The following ERC2 variants were observed in gnomAD, a reference collection of about 807,000 sequenced individuals.
ERC2 encodes the protein ERC protein 2.
Under a neutral mutation model 114.8 loss-of-function variants are expected in ERC2, and 42 were observed. The observed-to-expected ratio is 0.37, with a 90% confidence interval of 0.29 to 0.47. The LOEUF (loss-of-function observed/expected upper bound fraction) is 0.47, where lower values mean the gene tolerates loss of function less well. ERC2 is among the 20% of genes least tolerant of loss of function. The pLI is 0.99. For missense variants in ERC2, 939 were observed against 1,150.7 expected (o/e 0.82, Z 2.66); for synonymous variants, 454 against 425.5 (o/e 1.07, Z -0.82).
intron 12 of ERC2, among the ~76,000 whole-genome samples, chr3:55,967,998 C>T (rs989759310): frequency 6.6e-6 from 1 of 152,154 alleles, no homozygotes; most frequent in East Asian, 1.9e-4. Flanking sequence ...GTATAAATTA[C>T]CCAGTCTGTG....
intron 13 of ERC2, among the ~76,000 whole-genome samples, chr3:55,920,279 T>C (rs1447773652): frequency 6.6e-6 from 1 of 152,150 alleles, no homozygotes; most frequent in Non-Finnish European, 1.5e-5. Context: ...TACACTATTT[T>C]CTGTATTTTC....
intron 17 of ERC2, among the ~76,000 whole-genome samples, chr3:55,524,759 C>T (rs1340822504): frequency 6.6e-6 from 1 of 152,184 alleles, no homozygotes; most frequent in Non-Finnish European, 1.5e-5. Flanking sequence ...CATTCTTTCA[C>T]AGCTTGTTTT....
intron 3 of ERC2, among the ~76,000 whole-genome samples, chr3:56,197,095 C>A (rs1292466041): frequency 6.6e-6 from 1 of 152,102 alleles, no homozygotes; most frequent in Non-Finnish European, 1.5e-5. Context: ...TTTGCACATG[C>A]CTGAGATACA....
At chr3:55,680,379 G>T (rs941647590) in intron 17 of ERC2, among the ~76,000 whole-genome samples, 1 of 152,184 alleles carries the variant, frequency 6.6e-6, no homozygotes, top group Non-Finnish European at 1.5e-5. Context: ...AAGGTGCCTC[G>T]ATTTGCTCCT....
chr3:56,045,108 A>G (rs902368956), intron 7 of ERC2, among the ~76,000 whole-genome samples: 2 of 152,204 alleles, frequency 1.3e-5, no homozygotes, highest in African/African-American at 2.4e-5. Flanking sequence ...AATATAATCT[A>G]TAAAATAACC....
chr3:55,695,499 C>T (rs9871057), intron 16 of ERC2, among the ~76,000 whole-genome samples: 7,295 of 152,208 alleles, frequency 0.048, 592 homozygotes, highest in African/African-American at 0.17. Context: ...CAAATCTTCC[C>T]ACCCCCTCAG....
At chr3:55,778,699 G>C (rs78919292) in intron 14 of ERC2, among the ~76,000 whole-genome samples, 1 of 152,090 alleles carries the variant, frequency 6.6e-6, no homozygotes, top group Non-Finnish European at 1.5e-5. Flanking sequence ...CAGCAGAAAG[G>C]TACAAAGGGT....
chr3:55,821,515 T>C (rs58443853), intron 14 of ERC2, among the ~76,000 whole-genome samples: 7,071 of 152,298 alleles, frequency 0.046, 193 homozygotes, highest in African/African-American at 0.075. Context: ...CGTCATTACA[T>C]ATTAACCTGT....
At chr3:55,930,048 G>C (rs2065982139) in intron 13 of ERC2, among the ~76,000 whole-genome samples, 2 of 152,128 alleles carry the variant, frequency 1.3e-5, no homozygotes, top group Non-Finnish European at 1.5e-5. Flanking sequence ...AGACCAGCCT[G>C]GCCAACATGG....
intron 12 of ERC2, among the ~76,000 whole-genome samples, chr3:55,978,672 T>A (rs1169312576): frequency 1.3e-5 from 2 of 152,214 alleles, no homozygotes; most frequent in Non-Finnish European, 2.9e-5. Flanking sequence ...AGGTAAGCTA[T>A]AATATAATTG....
chr3:55,895,028 A>C (rs567039430), intron 13 of ERC2, among the ~76,000 whole-genome samples: 173 of 152,264 alleles, frequency 1.1e-3, no homozygotes, highest in African/African-American at 3.8e-3. Flanking sequence ...AAAACTGCCC[A>C]TTCTTTAAGG....
intron 2 of ERC2, among the ~76,000 whole-genome samples, chr3:56,367,462 A>G (rs2059193101): frequency 6.6e-6 from 1 of 151,350 alleles, no homozygotes; most frequent in South Asian, 2.1e-4. Flanking sequence ...CTCCTTCTGC[A>G]CCTCTCTCAA....
intron 7 of ERC2, among the ~76,000 whole-genome samples, chr3:56,051,401 C>T (rs1224704110): frequency 6.6e-6 from 1 of 152,070 alleles, no homozygotes; most frequent in Non-Finnish European, 1.5e-5. Context: ...TGCCTTCACA[C>T]ATATTTTTTA....
intron 6 of ERC2, among the ~76,000 whole-genome samples, chr3:56,132,179 A>G (rs181971812): frequency 6.6e-6 from 1 of 152,034 alleles, no homozygotes; most frequent in East Asian, 1.9e-4. Context: ...AGCATTCCCA[A>G]CTCCTTGTCA....
intron 15 of ERC2, among the ~76,000 whole-genome samples, chr3:55,715,265 A>G (rs992762480): frequency 1.3e-5 from 2 of 152,144 alleles, no homozygotes; most frequent in Admixed American, 1.3e-4. Flanking sequence ...GTCCTCCCCC[A>G]AGAATCCAGG....
intron 17 of ERC2, among the ~76,000 whole-genome samples, chr3:55,641,530 A>G (rs2060181778): frequency 7.6e-6 from 1 of 130,936 alleles, no homozygotes; most frequent in African/African-American, 2.9e-5. Context: ...AGCCTGGGTG[A>G]CAGAGCAAGA....
chr3:56,052,307 T>C (rs1408966596), intron 7 of ERC2, among the ~76,000 whole-genome samples: 1 of 152,216 alleles, frequency 6.6e-6, no homozygotes, highest in Non-Finnish European at 1.5e-5. Context: ...CTGTTCTCAA[T>C]CCACTTTAGG....
chr3:56,050,791 A>T (rs1328303918), intron 7 of ERC2, among the ~76,000 whole-genome samples: 1 of 152,196 alleles, frequency 6.6e-6, no homozygotes, highest in Admixed American at 6.5e-5. Context: ...CCAAAGCTCC[A>T]TGGGGGCAAG....
At chr3:56,015,711 G>C (rs2073258718) in intron 8 of ERC2, among the ~76,000 whole-genome samples, 1 of 152,074 alleles carries the variant, frequency 6.6e-6, no homozygotes, top group Non-Finnish European at 1.5e-5. Flanking sequence ...ATATTCCTTT[G>C]GGTATATACC....
Sources: allele counts gnomAD v4.1 joint callset (sites outside exome capture counted in the v4.1 genomes callset), GRCh38; gene constraint gnomAD v4.1.1; transcripts MANE v1.5; gene names NCBI Gene and HGNC (gene_info 2026-07-23, HGNC 2026-07-21).